The following PIP4P2 variants were observed in gnomAD, a reference collection of about 807,000 sequenced individuals.
PIP4P2 encodes type 2 phosphatidylinositol 4,5-bisphosphate 4-phosphatase.
In PIP4P2, 19 loss-of-function variants were observed where a neutral mutation model predicts 33.3. That is an observed-to-expected ratio of 0.57 (90% CI 0.40 to 0.84). The LOEUF (loss-of-function observed/expected upper bound fraction) is 0.84. Among genes scored for constraint, PIP4P2 ranks in the 40% least tolerant of loss-of-function variants. PIP4P2 has a pLI of 0.00. For missense variants in PIP4P2, 270 were observed against 324.7 expected (o/e 0.83, Z 1.29); for synonymous variants, 110 against 111.9 (o/e 0.98, Z 0.11).
chr8:90,999,260 A>G (rs10110437), intron 5 of PIP4P2, among the ~76,000 whole-genome samples: 4,955 of 152,222 alleles, frequency 0.033, 260 homozygotes, highest in African/African-American at 0.11. Flanking sequence ...AAGTCAAAAA[A>G]TAACAGATGC....
intron 4 of PIP4P2, among the ~76,000 whole-genome samples, chr8:91,010,143 T>C (rs1470423568): frequency 6.6e-6 from 1 of 151,948 alleles, no homozygotes; most frequent in Non-Finnish European, 1.5e-5. Flanking sequence ...CAGATATTAA[T>C]ATAGATTTCT....
intron 5 of PIP4P2, among the ~76,000 whole-genome samples, chr8:91,007,642 T>C (rs1008841161): frequency 5.9e-5 from 9 of 152,348 alleles, no homozygotes; most frequent in African/African-American, 2.2e-4. Context: ...ATAGATGCAG[T>C]GCAGAAAAGA....
chr8:91,038,286 G>A (rs749059744), intron 1 of PIP4P2, among the ~76,000 whole-genome samples: 2 of 152,078 alleles, frequency 1.3e-5, no homozygotes, highest in Admixed American at 6.6e-5. Context: ...AAAGAGAAAG[G>A]GGTCAGATTG....
At chr8:91,000,668 T>C (rs950324279) in intron 5 of PIP4P2, among the ~76,000 whole-genome samples, 13 of 151,990 alleles carry the variant, frequency 8.6e-5, no homozygotes, top group African/African-American at 2.9e-4. Context: ...CTTTTGTCTC[T>C]CTGCTTTTAA....
chr8:91,026,967 T>C (rs182836769), intron 1 of PIP4P2, among the ~76,000 whole-genome samples: 17 of 152,304 alleles, frequency 1.1e-4, no homozygotes, highest in Admixed American at 5.9e-4. Context: ...TATGAATGCA[T>C]TGGGCCTCTA....
Sources: gnomAD v4.1 joint callset for allele counts (sites outside exome capture counted in the v4.1 genomes callset) on GRCh38, gnomAD v4.1.1 for gene constraint, MANE v1.5 for transcripts, NCBI Gene and HGNC (gene_info 2026-07-23, HGNC 2026-07-21) for gene names.